The following DNAH7 variants were observed in gnomAD, a reference collection of about 807,000 sequenced individuals.
DNAH7 encodes dynein axonemal heavy chain 7, also known as axonemal beta dynein heavy chain 7.
A neutral mutation model predicts 444.6 loss-of-function variants in DNAH7; 397 were observed. The ratio of observed to expected loss-of-function variants is 0.89; its 90% CI spans 0.82 to 0.97. The LOEUF is 0.97. Ranked by LOEUF, DNAH7 falls within the 50% of genes least tolerant of loss-of-function variation. The pLI, the probability that DNAH7 is intolerant of heterozygous loss-of-function variation, is 0.00. For synonymous variants in DNAH7, 1,636 were observed against 1,624.4 expected (o/e 1.01, Z -0.17); for missense variants, 4,902 against 4,800.8 (o/e 1.02, Z -0.62).
intron 63 of DNAH7, among the ~76,000 whole-genome samples, chr2:195,753,992 T>C (rs1693940983): frequency 6.6e-6 from 1 of 152,192 alleles, no homozygotes; most frequent in South Asian, 2.1e-4. Flanking sequence ...TTATCCTATA[T>C]GCTGTTAATT....
chr2:196,047,245 G>T (rs1480312081), intron 5 of DNAH7, 107 bp downstream of exon 5: 3 of 973,310 alleles, frequency 3.1e-6, no homozygotes, highest in South Asian at 3.2e-5. Flanking sequence ...ATTCCAACAA[G>T]CCTTTGAGGC....
intron 29 of DNAH7, among the ~76,000 whole-genome samples, chr2:195,897,432 T>C (rs779949942): frequency 6.6e-6 from 1 of 152,194 alleles, no homozygotes; most frequent in Non-Finnish European, 1.5e-5. Context: ...GTAACTTTCA[T>C]GTGCCCATTA....
At chr2:195,947,542 T>C (rs1181795697) in intron 19 of DNAH7, among the ~76,000 whole-genome samples, 2 of 152,036 alleles carry the variant, frequency 1.3e-5, no homozygotes, top group African/African-American at 2.4e-5. Flanking sequence ...GAACATGTAG[T>C]GTTTGGTTTT....
Position 195,987,051 on chromosome 2 carries a change from G to A in DNAH7, c.1754+15C>T, listed in dbSNP as rs772792171. ...CCCCTCCCAAAAAATAAAAAAACCA[G>A]TATCACATAAATACCTTGTATTTAC... On this transcript the variant is annotated intron_variant, in intron 14 of 64. Transcript: ENST00000312428. The A allele has an allele frequency of 5.8e-6, 9 of 1,565,110 alleles. No individual in the cohort carries two copies. The highest frequency in any genetic ancestry group is 7.7e-6 in the Non-Finnish European group (9 of 1,163,220).
chr2:195,778,086 T>G, intron 58 of DNAH7, 101 bp from the exon 59 acceptor site: 1 of 1,170,226 alleles, frequency 8.5e-7, no homozygotes, highest in East Asian at 2.8e-5. Flanking sequence ...TTACAAAAAG[T>G]TCGCATTAAC....
chr2:195,957,095 C>T (rs558559132), intron 19 of DNAH7, among the ~76,000 whole-genome samples, 166 bp downstream of exon 19: 1 of 152,110 alleles, frequency 6.6e-6, no homozygotes, highest in African/African-American at 2.4e-5. Context: ...CTTTTGCTTG[C>T]GACATTTTCT....
chr2:195,957,364 G>T lies in DNAH7; in HGVS notation c.2975C>A (p.Pro992His). 6.2e-7 allele frequency: 1 copy of T among 1,606,614 alleles called. No individual in the cohort carries two copies. The highest frequency in any genetic ancestry group is 1.3e-5 in the African/African-American group (1 of 74,852). The change falls in exon 19 of 65, where the codon CCC (proline) becomes CAC (histidine). Residue 992 changes from proline to histidine, a missense_variant. By Grantham distance (77) the Pro-to-His change is moderately conservative (BLOSUM62 -2). Coordinates refer to ENST00000312428, the MANE Select transcript of DNAH7 (RefSeq NM_018897.3). ...CATAATGTCTGGAGAGCTGAAAATG[G>T]GCTCCAGATACAGCCACGTGGCTTG... ...KVQATWLYLE[P>H]IFSSPDIMSQ...
intron 48 of DNAH7, among the ~76,000 whole-genome samples, chr2:195,831,071 G>A (rs1698044392): frequency 6.6e-6 from 1 of 152,080 alleles, no homozygotes; most frequent in African/African-American, 2.4e-5. Context: ...AAGTAAGGAA[G>A]GCTCAGATAT....
chr2:195,985,749 A>C (rs529850446), intron 14 of DNAH7, among the ~76,000 whole-genome samples: 49 of 152,310 alleles, frequency 3.2e-4, no homozygotes, highest in Admixed American at 6.5e-4. Context: ...CTACGAAATT[A>C]AAATAAGTAT....
At chr2:195,873,735 A>G (rs370215223) in intron 38 of DNAH7, 41 bp from the exon 39 acceptor site, 2 of 1,410,508 alleles carry the variant, frequency 1.4e-6, no homozygotes, top group Non-Finnish European at 1.9e-6. Context: ...TGTTACTAGT[A>G]TATACAAGAG....
chr2:195,934,785 G>T lies in DNAH7; in HGVS notation c.3277C>A (p.Gln1093Lys), dbSNP rs766563643. 6.2e-7 allele frequency: 1 copy of T among 1,613,948 alleles called. No homozygotes were observed. Among genetic ancestry groups the T allele is most frequent in the East Asian group, 2.2e-5 (1 of 44,862 alleles). The stretch of plus-strand genomic sequence containing the variant: ...TCAAAACATTTCTTCAAGTGAGGTT[G>T]CACCCTGTCAGGAAAAACATTTTTA... ...LSETKDPTRV[Q>K]PHLKKCFEGI... The change falls in exon 21 of 65, where the codon CAA becomes AAA. Residue 1093 changes from glutamine to lysine, a missense_variant. Gln to Lys is a moderately conservative substitution (Grantham distance 53). Coordinates refer to ENST00000312428, the MANE Select transcript of DNAH7 (RefSeq NM_018897.3).
At chr2:195,861,643 A>G in intron 42 of DNAH7, 74 bp downstream of exon 42, 1 of 949,912 alleles carries the variant, frequency 1.1e-6, no homozygotes. Flanking sequence ...TCCATTATAT[A>G]TTATGTCGTT....
At chr2:195,974,612 T>C (rs1291958702) in intron 15 of DNAH7, among the ~76,000 whole-genome samples, 3 of 152,150 alleles carry the variant, frequency 2.0e-5, no homozygotes, top group Non-Finnish European at 4.4e-5. Flanking sequence ...CCCAAAGGAA[T>C]TTTCCTTTAA....
intron 44 of DNAH7, 88 bp from the exon 45 acceptor site, chr2:195,856,079 CT>C (rs1699686546): frequency 8.2e-7 from 1 of 1,226,032 alleles, no homozygotes; most frequent in East Asian, 2.4e-5. Context: ...AATACCCTTA[CT>C]ATAACTGAAA....
chr2:196,061,331 C>G (rs1161807069), intron 1 of DNAH7, among the ~76,000 whole-genome samples: 2 of 151,992 alleles, frequency 1.3e-5, no homozygotes, highest in Non-Finnish European at 2.9e-5. Flanking sequence ...AATTTATCTC[C>G]CCCGTATTAA....
intron 61 of DNAH7, among the ~76,000 whole-genome samples, chr2:195,762,738 T>C (rs1463940780): frequency 6.6e-6 from 1 of 152,116 alleles, no homozygotes; most frequent in African/African-American, 2.4e-5. Flanking sequence ...AAAGCAACTA[T>C]TACAGCCAAA....
intron 10 of DNAH7, among the ~76,000 whole-genome samples, chr2:196,011,269 T>C (rs1410242473): frequency 3.3e-5 from 5 of 152,164 alleles, no homozygotes; most frequent in African/African-American, 1.2e-4. Flanking sequence ...TCCATTAATA[T>C]ATGTACCCTA....
chr2:195,780,355 GAATC>G lies in DNAH7; in HGVS notation c.10879-2374_10879-2371del, dbSNP rs201283962. The stretch of plus-strand genomic sequence containing the variant: ...TATTCAAAAGCTCTTTGTAAAAACT[GAATC>G]AGTCTTTCAGATAAAATTTTAAATA... On this transcript the variant is annotated intron_variant, in intron 58 of 64. Transcript: ENST00000312428. Among the ~76,000 whole-genome samples, 466 of 152,102 alleles carry G rather than the reference GAATC, an allele frequency of 3.1e-3. 6 individuals carry two copies. The highest frequency in any genetic ancestry group is 0.025 in the East Asian group (132 of 5,190).
intron 57 of DNAH7, among the ~76,000 whole-genome samples, chr2:195,789,902 T>G (rs1225159966): frequency 3.3e-5 from 5 of 152,052 alleles, no homozygotes. Flanking sequence ...TTGCTGACAA[T>G]ATGATTCTAT....
Sources: gnomAD v4.1 joint callset for allele counts (sites outside exome capture counted in the v4.1 genomes callset) on GRCh38, gnomAD v4.1.1 for gene constraint, MANE v1.5 for transcripts, NCBI Gene and HGNC (gene_info 2026-07-23, HGNC 2026-07-21) for gene names.